The following PRORP variants were observed in gnomAD, a reference collection of about 807,000 sequenced individuals.
The protein encoded by PRORP is protein only RNase P catalytic subunit, also known as mitochondrial ribonuclease P catalytic subunit.
Under a neutral mutation model 59.4 loss-of-function variants are expected in PRORP, and 51 were observed. The observed-to-expected ratio is 0.86, with a 90% CI of 0.69 to 1.08. The LOEUF is 1.08. Ranked by LOEUF, PRORP falls within the 50% of genes least tolerant of loss-of-function variation. The pLI is 0.00. For missense variants in PRORP, 646 were observed against 690.3 expected (o/e 0.94, Z 0.72); for synonymous variants, 231 against 245.6 (o/e 0.94, Z 0.55).
intron 5 of PRORP, among the ~76,000 whole-genome samples, chr14:35,256,315 A>AT (rs1165381423): frequency 7.2e-6 from 1 of 139,416 alleles, no homozygotes; most frequent in African/African-American, 2.7e-5. Flanking sequence ...GAAAAAAGAA[A>AT]TTGTGCGTAT....
intron 4 of PRORP, among the ~76,000 whole-genome samples, chr14:35,137,369 T>C (rs2047398823): frequency 6.9e-6 from 1 of 144,936 alleles, no homozygotes; most frequent in South Asian, 2.3e-4. Flanking sequence ...AATGTGGAGG[T>C]TGGAAATGAA....
intron 5 of PRORP, among the ~76,000 whole-genome samples, chr14:35,206,035 C>T (rs1472430258): frequency 1.3e-5 from 2 of 152,088 alleles, no homozygotes; most frequent in East Asian, 1.9e-4. Flanking sequence ...TTTTAGAAAT[C>T]GCAACATCCA....
At chr14:35,208,908 T>A (rs1429134118) in intron 5 of PRORP, among the ~76,000 whole-genome samples, 1 of 151,988 alleles carries the variant, frequency 6.6e-6, no homozygotes, top group African/African-American at 2.4e-5. Flanking sequence ...TACTCAGCAG[T>A]CTGAGGCACG....
chr14:35,122,041 G>A, upstream of PRORP: 3 of 1,522,856 alleles, frequency 2.0e-6, no homozygotes, highest in South Asian at 3.4e-5. Context: ...AGCACCGCCA[G>A]GCCCCGTAAA....
chr14:35,172,286 T>A (rs1566474206), intron 4 of PRORP, among the ~76,000 whole-genome samples: 1 of 151,942 alleles, frequency 6.6e-6, no homozygotes, highest in Non-Finnish European at 1.5e-5. Flanking sequence ...TGACCTCAGG[T>A]GAGGCACCTG....
intron 2 of PRORP, chr14:35,124,465 A>G (rs2047043900): frequency 3.7e-6 from 1 of 267,612 alleles, no homozygotes; most frequent in African/African-American, 2.2e-5. Context: ...TTAAACCTCA[A>G]AGTAGCCATT....
At chr14:35,185,104 T>C (rs1311186101) in intron 5 of PRORP, among the ~76,000 whole-genome samples, 1 of 152,172 alleles carries the variant, frequency 6.6e-6, no homozygotes, top group Non-Finnish European at 1.5e-5. Context: ...GCCATACTGC[T>C]TTCCACAATG....
At chr14:35,160,845 A>G (rs189632976) in intron 4 of PRORP, among the ~76,000 whole-genome samples, 35 of 152,346 alleles carry the variant, frequency 2.3e-4, no homozygotes, top group South Asian at 1.7e-3. Flanking sequence ...ACTACAGGCA[A>G]TCCTCAGCCA....
intron 5 of PRORP, among the ~76,000 whole-genome samples, chr14:35,189,593 T>A (rs1406944998): frequency 1.3e-5 from 2 of 152,164 alleles, no homozygotes; most frequent in African/African-American, 4.8e-5. Flanking sequence ...AGATACTGTT[T>A]TAAGCTGTGA....
intron 5 of PRORP, among the ~76,000 whole-genome samples, chr14:35,198,729 G>A (rs918194153): frequency 3.9e-5 from 6 of 152,208 alleles, no homozygotes; most frequent in Non-Finnish European, 8.8e-5. Context: ...TGCCTTCGAT[G>A]TCTGTTAAAT....
intron 4 of PRORP, among the ~76,000 whole-genome samples, chr14:35,167,733 G>T (rs1174429605): frequency 1.3e-5 from 2 of 152,182 alleles, no homozygotes; most frequent in Non-Finnish European, 2.9e-5. Context: ...AACCAAAAGA[G>T]CTGGTATTCC....
chr14:35,179,714 G>A (rs916912529), intron 4 of PRORP, among the ~76,000 whole-genome samples: 24 of 152,010 alleles, frequency 1.6e-4, no homozygotes, highest in Admixed American at 1.2e-3. Flanking sequence ...AAGTTTGATC[G>A]TCTGAAGCCT....
chr14:35,253,042 A>G lies in PRORP; in HGVS notation c.1276-13685A>G, dbSNP rs535200363. ...CTTCCATCCTTAAAAAAATTGAGAA[A>G]CTTTCTGCTGGTCAGGTGCAGTGGC... On this transcript the variant is annotated intron_variant, in intron 5 of 7. Transcript: ENST00000534898. Among the ~76,000 whole-genome samples, 94 of 152,230 alleles carry G rather than the reference A, an allele frequency of 6.2e-4. 1 individual carries two copies. Among genetic ancestry groups the G allele is most frequent in the African/African-American group, 2.2e-3 (92 of 41,556 alleles).
intron 4 of PRORP, among the ~76,000 whole-genome samples, chr14:35,149,071 A>G (rs2047680179): frequency 1.3e-5 from 2 of 148,492 alleles, no homozygotes; most frequent in Non-Finnish European, 3.0e-5. Flanking sequence ...GGCGCCCGCC[A>G]CCACGCCCGG....
At chr14:35,233,953 G>A (rs964771544) in intron 5 of PRORP, among the ~76,000 whole-genome samples, 3 of 151,994 alleles carry the variant, frequency 2.0e-5, no homozygotes, top group Non-Finnish European at 2.9e-5. Flanking sequence ...TTCTTGCTTC[G>A]TGACTCTGCT....
intron 5 of PRORP, among the ~76,000 whole-genome samples, chr14:35,252,444 A>C (rs1002654952): frequency 1.3e-5 from 2 of 152,078 alleles, no homozygotes; most frequent in African/African-American, 2.4e-5. Flanking sequence ...AAAACAAACA[A>C]ACAAAAAAAC....
At position 35,274,212 on chromosome 14, in the gene PRORP, A is replaced by G. The variant is rs1428842837; in HGVS notation, c.*646A>G. 6.6e-6 allele frequency: 1 copy of G among 152,062 alleles called. No individual in the cohort carries two copies. Among genetic ancestry groups the G allele is most frequent in the Non-Finnish European group, 1.5e-5 (1 of 68,042 alleles). The allele number at this position is 152,062 out of a possible 1,614,324, so 9.4% of individuals were successfully genotyped here. On this transcript the variant is annotated 3_prime_UTR_variant, in exon 8 of 8. Transcript: ENST00000534898. ...GCCAGGGCTGGAGTGCAGTGACGTGATCACAGTTCACTGCAGCCTCAAACT... is the reference window on the plus strand; with the variant it reads ...GCCAGGGCTGGAGTGCAGTGACGTGGTCACAGTTCACTGCAGCCTCAAACT...
At chr14:35,271,318 C>T (rs1285603665) in intron 7 of PRORP, among the ~76,000 whole-genome samples, 5 of 151,670 alleles carry the variant, frequency 3.3e-5, no homozygotes, top group Admixed American at 2.0e-4. Flanking sequence ...GCCACCACGC[C>T]GAGCTAATTT....
intron 5 of PRORP, among the ~76,000 whole-genome samples, chr14:35,192,715 A>G (rs1301525212): frequency 1.3e-5 from 2 of 152,178 alleles, no homozygotes; most frequent in Non-Finnish European, 2.9e-5. Flanking sequence ...GGGGCCGGGC[A>G]TGGTGGCTCA....
Sources: allele counts gnomAD v4.1 joint callset (sites outside exome capture counted in the v4.1 genomes callset), GRCh38; gene constraint gnomAD v4.1.1; transcripts MANE v1.5; gene names NCBI Gene and HGNC (gene_info 2026-07-23, HGNC 2026-07-21).